The following CCNP variants were observed in gnomAD, a reference collection of about 807,000 sequenced individuals.
CCNP encodes cyclin P.
A neutral mutation model predicts 19.6 loss-of-function variants in CCNP; 18 were observed. That is an observed-to-expected ratio of 0.92 (90% CI 0.64 to 1.36). The LOEUF (loss-of-function observed/expected upper bound fraction) is 1.36, where lower values mean the gene tolerates loss of function less well. Ranked by LOEUF, CCNP falls within the 40% of genes most tolerant of loss-of-function variation. The pLI, the probability that CCNP is intolerant of heterozygous loss-of-function variation, is 0.00. For synonymous variants in CCNP, 228 were observed against 194.9 expected (o/e 1.17, Z -1.41); for missense variants, 440 against 424.4 (o/e 1.04, Z -0.32).
chr19:40,225,888 G>A (rs1973531835), intron 1 of CCNP, among the ~76,000 whole-genome samples: 1 of 152,214 alleles, frequency 6.6e-6, no homozygotes, highest in Non-Finnish European at 1.5e-5. Context: ...GCCCAGGAGA[G>A]TCGCAGGCAA....
rs1428656452 is a variant in CCNP, at chr19:40,224,099, C to A, written c.513+389G>T. Among the ~76,000 whole-genome samples the A allele has an allele frequency of 2.0e-5, 3 of 151,990 alleles. No individual in the cohort carries two copies. In the East Asian group the frequency reaches 5.8e-4, roughly 29 times the overall value. On this transcript the variant is annotated intron_variant, in intron 3 of 4. Coordinates refer to ENST00000430325, the MANE Select transcript of CCNP (RefSeq NM_024877.4). ...CCTCCTGAGTAGCTGGGCCTACAGG[C>A]GTGCACCACCACACCTGGCTAATTT...
In CCNP at chr19:40,226,532, G is replaced by GC; in HGVS notation, c.109dup (p.Ala37GlyfsTer91). 2 of 1,589,342 alleles carry GC rather than the reference G, an allele frequency of 1.3e-6. No homozygotes were observed. Among genetic ancestry groups the GC allele is most frequent in the Non-Finnish European group, 1.7e-6 (2 of 1,169,372 alleles). On this transcript the variant is annotated frameshift_variant, in exon 1 of 5. Transcript: ENST00000430325. LOFTEE classifies it high-confidence loss of function. Reference sequence around the variant, plus strand: ...GGGGACTGCGGCGCTTGAAGGCTCTGCGTCGAGGGAGGCAGCGAGACTCTG... The same window carrying GC: ...GGGGACTGCGGCGCTTGAAGGCTCTGCCGTCGAGGGAGGCAGCGAGACTCTG...
In CCNP at chr19:40,224,555, C is replaced by A; in HGVS notation, c.446G>T (p.Arg149Leu). The stretch of plus-strand genomic sequence containing the variant: ...GCAAGCCACGCCCAGCAGCTGCAGG[C>A]GATGTAGACGCACGCGGCCAGCGCT... ...YLSAGRVRLH[R>L]LQLLGVACLF... The change falls in exon 3 of 5, where the codon CGC becomes CTC. Residue 149 changes from arginine (R) to leucine (L), a missense_variant. By Grantham distance (102) the Arg-to-Leu change is moderately radical. Coordinates refer to ENST00000430325, the MANE Select transcript of CCNP (RefSeq NM_024877.4). 6.2e-7 allele frequency: 1 copy of A among 1,614,228 alleles called. No homozygotes were observed.
intron 3 of CCNP, 189 bp from the exon 4 acceptor site, chr19:40,223,735 A>C: frequency 2.7e-6 from 2 of 733,262 alleles, no homozygotes; most frequent in Non-Finnish European, 4.7e-6. Flanking sequence ...GTTCGAGTTC[A>C]AACCCCATCA....
At chr19:40,226,082 C>T (rs1973534718) in intron 1 of CCNP, among the ~76,000 whole-genome samples, 1 of 152,208 alleles carries the variant, frequency 6.6e-6, no homozygotes, top group South Asian at 2.1e-4. Context: ...ACATTTGCTA[C>T]TAAACCATTA....
Position 40,223,061 on chromosome 19 carries a change from G to T in CCNP, c.915C>A (p.Asp305Glu). 1 of 1,526,722 alleles carries T rather than the reference G, an allele frequency of 6.5e-7. No homozygotes were observed. The highest frequency in any genetic ancestry group is 8.9e-7 in the Non-Finnish European group (1 of 1,127,678). The allele number at this position is 1,526,722 out of a possible 1,614,324, so 94.6% of individuals were successfully genotyped here. Residue 305 changes from aspartate (D) to glutamate (E), a missense_variant, in exon 5 of 5, where the codon GAC becomes GAA. By Grantham distance (45) the Asp-to-Glu change is conservative. Transcript: ENST00000430325. ...WSFLRSRRMR[D>E]NY is the part of the protein sequence containing the mutation. ...AGGTGCCACCTCCTCCTCAATAATT[G>T]TCTCTCATTCTCCGAGACCGTAAAA...
At position 40,222,329 on chromosome 19, in the gene CCNP, C is replaced by T. The variant is rs1261808675; in HGVS notation, c.*723G>A. The T allele has an allele frequency of 1.0e-5, 4 of 398,916 alleles. No homozygotes were observed. The highest frequency in any genetic ancestry group is 3.6e-5 in the East Asian group (1 of 28,090). 24.7% of individuals were successfully genotyped at this position (398,916 alleles called of 1,614,324 possible). A position where few individuals can be genotyped will look rare whatever the true frequency, so the allele number is the denominator to read the frequency against. ...TACTCAGGGAGGCTCAGACTGGAGG[C>T]GGCGGAGCAGGCAGGCGGCGGCAAG... is the stretch of plus-strand genomic sequence containing the variant. On this transcript the variant is annotated 3_prime_UTR_variant, in exon 5 of 5. Coordinates refer to ENST00000430325, the MANE Select transcript of CCNP (RefSeq NM_024877.4).
Position 40,222,881 on chromosome 19 carries a change from G to T in CCNP, c.*171C>A. On this transcript the variant is annotated 3_prime_UTR_variant, in exon 5 of 5. Coordinates refer to ENST00000430325, the MANE Select transcript of CCNP (RefSeq NM_024877.4). ...TACAGAGATGGAGGACTCGAGGCCT[G>T]GGTGATCCTTCGTTCTCAGCCCTGG... 1.8e-6 allele frequency: 1 copy of T among 550,442 alleles called. No homozygotes were observed. Among genetic ancestry groups the T allele is most frequent in the Non-Finnish European group, 3.3e-6 (1 of 307,184 alleles). 34.1% of individuals were successfully genotyped at this position (550,442 alleles called of 1,614,324 possible).
At chr19:40,223,568 G>A (rs777224614) in intron 3 of CCNP, 22 bp from the exon 4 acceptor site, 1 of 1,597,706 alleles carries the variant, frequency 6.3e-7, no homozygotes, top group Non-Finnish European at 8.6e-7. Flanking sequence ...GGATGCGGGG[G>A]GAGGTGAAGG....
chr19:40,223,801 C>G (rs1291816737), intron 3 of CCNP, among the ~76,000 whole-genome samples: 1 of 151,992 alleles, frequency 6.6e-6, no homozygotes, highest in South Asian at 2.1e-4. Flanking sequence ...CAGCTACCCC[C>G]CGCCCCCCGT....
At position 40,224,705 on chromosome 19, in the gene CCNP, C is replaced by A. The variant is rs1356586778; in HGVS notation, c.357+17G>T. ...GGCGACGCAAACTCAGCCCCCCACA[C>A]CCTTCCAGATACCTACGTGCACCTG... On this transcript the variant is annotated intron_variant, in intron 2 of 4. Transcript: ENST00000430325. 3.1e-6 allele frequency: 5 copies of A among 1,600,632 alleles called. No homozygotes were observed. In the East Asian group the frequency reaches 1.1e-4, roughly 36 times the overall value.
chr19:40,224,469 A>G lies in CCNP; in HGVS notation c.513+19T>C, dbSNP rs1973508195. 1 of 1,612,674 alleles carries G rather than the reference A, an allele frequency of 6.2e-7. No individual in the cohort carries two copies. The highest frequency in any genetic ancestry group is 8.5e-7 in the Non-Finnish European group (1 of 1,179,276). On this transcript the variant is annotated intron_variant, in intron 3 of 4. Coordinates refer to ENST00000430325, the MANE Select transcript of CCNP (RefSeq NM_024877.4). ...CCAAAGGACTCCATCCACCCTCCCA[A>G]ACCCCACCCCGGAAGTACCTCGGGA...
Position 40,222,620 on chromosome 19 carries a change from G to A in CCNP, c.*432C>T, listed in dbSNP as rs532019265. ...TCTCTTGAGATCGGGCACGCGTCCC[G>A]TCTTCAACTGGAGTGACTAGGCGAG... On this transcript the variant is annotated 3_prime_UTR_variant, in exon 5 of 5. Transcript: ENST00000430325. The A allele has an allele frequency of 3.0e-5, 12 of 397,572 alleles. 1 individual carries two copies. In the South Asian group the frequency reaches 1.5e-3, roughly 51 times the overall value. 24.6% of individuals were successfully genotyped at this position (397,572 alleles called of 1,614,324 possible).
In CCNP at chr19:40,224,781, G is replaced by T; in HGVS notation, c.298C>A (p.Pro100Thr). The T allele has an allele frequency of 1.9e-6, 3 of 1,555,992 alleles. No individual in the cohort carries two copies. The highest frequency in any genetic ancestry group is 2.6e-6 in the Non-Finnish European group (3 of 1,149,526). Residue 100 changes from proline to threonine, a missense_variant, in exon 2 of 5, where the codon CCC becomes ACC. Transcript: ENST00000430325. ...CGCATCTCCGGGGTCACAGCGCGGG[G>T]CAGGGCTCTCAGGGGCAGCACGCGG... ...VCRVLPLRALPRAVTPEMRAL... is the reference protein window; with the variant it reads ...VCRVLPLRALTRAVTPEMRAL...
chr19:40,226,283 G>C (rs1568502460), intron 1 of CCNP, 92 bp downstream of exon 1: 2 of 1,131,268 alleles, frequency 1.8e-6, no homozygotes, highest in Non-Finnish European at 2.6e-6. Context: ...GGGAGGAGAG[G>C]CTGGAGCGGT....
rs2145113682 is a variant in CCNP at position 40,222,713 on chromosome 19, G to A, written c.*339C>T. ...GCTAGTGCGGAGTCAGAACACTCGA[G>A]GAAGCAAGGAGGGGAGCTGAGGATG... is the stretch of plus-strand genomic sequence containing the variant. On this transcript the variant is annotated 3_prime_UTR_variant, in exon 5 of 5. Transcript: ENST00000430325. The A allele has an allele frequency of 4.9e-6, 2 of 406,948 alleles. No individual in the cohort carries two copies. Among genetic ancestry groups the A allele is most frequent in the South Asian group, 1.1e-4 (1 of 8,950 alleles). The allele number at this position is 406,948 out of a possible 1,614,324, so 25.2% of individuals were successfully genotyped here.
At chr19:40,224,845 A>T in intron 1 of CCNP, 34 bp from the exon 2 acceptor site, 1 of 1,517,482 alleles carries the variant, frequency 6.6e-7, no homozygotes, top group Non-Finnish European at 8.9e-7. Context: ...CACTCTCCAC[A>T]CCTGTGCCTC....
chr19:40,223,234 C>A lies in CCNP; in HGVS notation c.742G>T (p.Gly248Cys). 1 of 1,547,428 alleles carries A rather than the reference C, an allele frequency of 6.5e-7. No individual in the cohort carries two copies. Among genetic ancestry groups the A allele is most frequent in the East Asian group, 2.5e-5 (1 of 40,790 alleles). The change falls in exon 5 of 5, where the codon GGT (glycine) becomes TGT (cysteine). Residue 248 changes from glycine to cysteine, a missense_variant. Transcript: ENST00000430325. ...CTCAGAGCCGCAGCCGCACGACGAC[C>A]CGGCTCCCATCCCGCCGCCTCGGCC... ...LEAEAAGWEP[G>C]RRAAAALSLA...
chr19:40,223,697 G>A, intron 3 of CCNP, 151 bp from the exon 4 acceptor site: 1 of 1,083,766 alleles, frequency 9.2e-7, no homozygotes, highest in Non-Finnish European at 1.4e-6. Context: ...GAGAGCACGG[G>A]CTTGAGGGTC....
Sources: gnomAD v4.1 joint callset for allele counts (sites outside exome capture counted in the v4.1 genomes callset) on GRCh38, gnomAD v4.1.1 for gene constraint, MANE v1.5 for transcripts, NCBI Gene and HGNC (gene_info 2026-07-23, HGNC 2026-07-21) for gene names.